Variants in PRRX1 observed in about 807,000 individuals in gnomAD.
PRRX1 encodes the protein paired related homeobox 1.
PRRX1 carries 8 observed loss-of-function variants against 24.0 expected under a neutral mutation model. The ratio of observed to expected loss-of-function variants is 0.33; its 90% CI spans 0.20 to 0.60. The LOEUF is 0.60. PRRX1 is among the 20% of genes least tolerant of loss of function. The probability of loss-of-function intolerance (pLI) is 0.82; values close to 1 mark genes in which losing one functional copy is unlikely to be tolerated. For missense variants in PRRX1, 281 were observed against 322.4 expected (o/e 0.87, Z 0.98); for synonymous variants, 160 against 131.7 (o/e 1.22, Z -1.47).
chr1:170,691,833 CTGGG>C (rs775267939), intron 1 of PRRX1, among the ~76,000 whole-genome samples: 6 of 152,028 alleles, frequency 3.9e-5, no homozygotes, highest in Non-Finnish European at 8.8e-5. Context: ...ACCCTGTGCT[CTGGG>C]TTGTGGTCAA....
intron 1 of PRRX1, among the ~76,000 whole-genome samples, chr1:170,718,294 G>T (rs1481603428): frequency 1.3e-5 from 2 of 152,202 alleles, no homozygotes; most frequent in African/African-American, 4.8e-5. Context: ...CATTGATGAA[G>T]AAGGATTCTC....
chr1:170,719,880 C>A lies in PRRX1; in HGVS notation c.396C>A (p.Asn132Lys). Residue 132 changes from asparagine to lysine, a missense_variant, in exon 2 of 4, where the codon AAC becomes AAA. By Grantham distance (94) the Asn-to-Lys change is moderately conservative (BLOSUM62 0). Transcript: ENST00000239461. ...FVREDLARRVNLTEARVQVWF... is the reference protein window; with the variant it reads ...FVREDLARRVKLTEARVQVWF... ...GAGAAGACCTTGCCCGCCGGGTGAA[C>A]CTCACCGAGGCGAGAGTGCAGGTAA... The A allele has an allele frequency of 6.2e-7, 1 of 1,614,094 alleles. No homozygotes were observed. Among genetic ancestry groups the A allele is most frequent in the South Asian group, 1.1e-5 (1 of 91,084 alleles).
chr1:170,706,281 T>G (rs1237211893), intron 1 of PRRX1, among the ~76,000 whole-genome samples: 1 of 152,222 alleles, frequency 6.6e-6, no homozygotes, highest in African/African-American at 2.4e-5. Flanking sequence ...GTTAAATTTA[T>G]AGATTCCAAA....
chr1:170,708,296 A>G (rs1487883181), intron 1 of PRRX1, among the ~76,000 whole-genome samples: 2 of 152,162 alleles, frequency 1.3e-5, no homozygotes, highest in African/African-American at 2.4e-5. Context: ...TTCCACATGA[A>G]TTTTTGGGTG....
At chr1:170,716,827 CT>C (rs1157523027) in intron 1 of PRRX1, among the ~76,000 whole-genome samples, 1 of 152,176 alleles carries the variant, frequency 6.6e-6, no homozygotes, top group African/African-American at 2.4e-5. Flanking sequence ...AGCCAAGAAT[CT>C]GATAAATGTG....
upstream of PRRX1, chr1:170,663,108 C>G (rs1273495774): frequency 6.6e-6 from 1 of 151,494 alleles, no homozygotes; most frequent in African/African-American, 2.4e-5. Flanking sequence ...CTCTTGTTCC[C>G]TCCCTCTCCC....
At chr1:170,670,884 C>T (rs1258848850) in intron 1 of PRRX1, among the ~76,000 whole-genome samples, 2 of 152,054 alleles carry the variant, frequency 1.3e-5, no homozygotes, top group African/African-American at 4.8e-5. Context: ...CTTCTGTTCC[C>T]GCGGTTCTCA....
chr1:170,726,645 G>A (rs1435797335), intron 3 of PRRX1: 2 of 488,896 alleles, frequency 4.1e-6, no homozygotes, highest in Non-Finnish European at 7.3e-6. Flanking sequence ...AGGAACTCTT[G>A]CAAAGGTTTC....
chr1:170,691,901 G>A (rs1158283228), intron 1 of PRRX1, among the ~76,000 whole-genome samples: 1 of 152,026 alleles, frequency 6.6e-6, no homozygotes, highest in African/African-American at 2.4e-5. Context: ...TTAGGGTGAG[G>A]GGAAGCAGTG....
intron 1 of PRRX1, among the ~76,000 whole-genome samples, chr1:170,692,948 T>A (rs1033375637): frequency 2.1e-4 from 32 of 152,140 alleles, no homozygotes; most frequent in African/African-American, 7.2e-4. Context: ...TTATTGCTTT[T>A]CATCATGAAG....
chr1:170,697,755 T>C (rs1654221649), intron 1 of PRRX1, among the ~76,000 whole-genome samples: 2 of 147,430 alleles, frequency 1.4e-5, no homozygotes, highest in African/African-American at 4.9e-5. Context: ...TATATACATA[T>C]ATAGATATAT....
chr1:170,734,355 G>T (rs910546599), intron 3 of PRRX1, among the ~76,000 whole-genome samples: 1 of 151,620 alleles, frequency 6.6e-6, no homozygotes, highest in African/African-American at 2.4e-5. Flanking sequence ...TTGAACACAT[G>T]GTACTAGATA....
chr1:170,671,289 T>C (rs1653133248), intron 1 of PRRX1, among the ~76,000 whole-genome samples: 1 of 152,174 alleles, frequency 6.6e-6, no homozygotes, highest in Admixed American at 6.5e-5. Flanking sequence ...TACTGGGGCT[T>C]GAGGTTGTGG....
chr1:170,691,312 G>A (rs1174553690), intron 1 of PRRX1, among the ~76,000 whole-genome samples: 1 of 152,106 alleles, frequency 6.6e-6, no homozygotes, highest in Admixed American at 6.6e-5. Flanking sequence ...TTTAGAAACT[G>A]TTGATGGATT....
At chr1:170,679,988 T>C (rs2101890893) in intron 1 of PRRX1, among the ~76,000 whole-genome samples, 1 of 152,340 alleles carries the variant, frequency 6.6e-6, no homozygotes, top group East Asian at 1.9e-4. Flanking sequence ...TTTCCCTTTT[T>C]TCTGATGCTG....
chr1:170,674,240 G>GCACA (rs369117667), intron 1 of PRRX1, among the ~76,000 whole-genome samples: 28 of 150,830 alleles, frequency 1.9e-4, no homozygotes, highest in African/African-American at 4.4e-4. Context: ...GCGCACGCAC[G>GCACA]CACACACACA....
intron 2 of PRRX1, among the ~76,000 whole-genome samples, chr1:170,723,672 G>C (rs979538264): frequency 2.0e-5 from 3 of 152,152 alleles, no homozygotes; most frequent in African/African-American, 7.2e-5. Context: ...TTAACAATGG[G>C]GATCTGTTCT....
At position 170,684,993 on chromosome 1, in the gene PRRX1, A is replaced by G. The variant is rs116409523; in HGVS notation, c.241+20534A>G. On this transcript the variant is annotated intron_variant, in intron 1 of 3. Coordinates refer to ENST00000239461, the MANE Select transcript of PRRX1 (RefSeq NM_022716.4). ...AGTTTAGTACTTGAAAAGAAAAACTAGACTTCATGTAAACTGAAGCTTGGA... is the reference window on the plus strand; with the variant it reads ...AGTTTAGTACTTGAAAAGAAAAACTGGACTTCATGTAAACTGAAGCTTGGA... Among the ~76,000 whole-genome samples, 763 of 152,354 alleles carry G rather than the reference A, an allele frequency of 5.0e-3. 10 individuals are homozygous for G. Among genetic ancestry groups the G allele is most frequent in the African/African-American group, 0.016 (685 of 41,588 alleles).
chr1:170,721,431 T>C lies in PRRX1; in HGVS notation c.417+1530T>C, dbSNP rs116245361. On this transcript the variant is annotated intron_variant, in intron 2 of 3. Transcript: ENST00000239461. ...GCCCATCGATTAGGGCCTGTGTCTA[T>C]GGAGGAGGCACAGTACACAGTGGGA... 3.5e-3 allele frequency among the ~76,000 whole-genome samples: 539 copies of C among 152,282 alleles called. 2 individuals are homozygous for C. The highest frequency in any genetic ancestry group is 0.012 in the African/African-American group (496 of 41,566).
Sources: gnomAD v4.1 joint callset for allele counts (sites outside exome capture counted in the v4.1 genomes callset) on GRCh38, gnomAD v4.1.1 for gene constraint, MANE v1.5 for transcripts, NCBI Gene and HGNC (gene_info 2026-07-23, HGNC 2026-07-21) for gene names.